Variants in ZAP70 observed in about 807,000 individuals in gnomAD.
ZAP70 encodes the protein tyrosine-protein kinase ZAP-70.
In ZAP70, 27 loss-of-function variants were observed where a neutral mutation model predicts 65.8. That is an observed-to-expected ratio of 0.41 (90% CI 0.30 to 0.57). ZAP70 has a LOEUF of 0.57. Among genes scored for constraint, ZAP70 ranks in the 20% least tolerant of loss-of-function variants. ZAP70 has a pLI of 0.28. For missense variants in ZAP70, 696 were observed against 870.5 expected, an observed-to-expected ratio of 0.80 and a Z score of 2.52; for synonymous variants, 363 against 360.8, an observed-to-expected ratio of 1.01 and a Z score of -0.07.
rs113588261 is a variant in ZAP70, at chr2:97,735,129, G to A, written c.1083-121G>A. 2,923 of 1,244,816 alleles carry A rather than the reference G, an allele frequency of 2.3e-3. 51 individuals are homozygous for A. The African/African-American group carries it at 0.036, about 15-fold the overall frequency. The allele number at this position is 1,244,816 out of a possible 1,614,324, so 77.1% of individuals were successfully genotyped here. A position where few individuals can be genotyped will look rare whatever the true frequency, so the allele number is the denominator to read the frequency against. On this transcript the variant is annotated intron_variant, in intron 9 of 13. Transcript: ENST00000264972. ...ATTGAGCGCCTTGGTCCCAGCCTGG[G>A]TGGCGACTACAGTTGTCTACCACAC...
chr2:97,718,510 C>T (rs780280024), intron 2 of ZAP70, among the ~76,000 whole-genome samples: 1 of 152,124 alleles, frequency 6.6e-6, no homozygotes, highest in Non-Finnish European at 1.5e-5. Flanking sequence ...GAGGCGCCCA[C>T]CACCCGACCT....
At chr2:97,756,132 G>GTTGT in the ZAP70 span, among the ~76,000 whole-genome samples, 10 of 151,766 alleles carry the variant, frequency 6.6e-5, no homozygotes, top group Admixed American at 2.6e-4. Flanking sequence ...AGGCTTTCAA[G>GTTGT]TTGTTTTCGA....
intron 4 of ZAP70, among the ~76,000 whole-genome samples, chr2:97,730,794 G>A (rs1203368316): frequency 6.6e-6 from 1 of 152,112 alleles, no homozygotes; most frequent in Non-Finnish European, 1.5e-5. Flanking sequence ...GGTGGCTCAC[G>A]CCTGTAATCC....
chr2:97,738,274 A>G, intron 13 of ZAP70, 167 bp downstream of exon 13: 2 of 703,748 alleles, frequency 2.8e-6, no homozygotes, highest in South Asian at 3.4e-5. Flanking sequence ...GCTCTCCAAC[A>G]CACCAGGGTT....
downstream of ZAP70, among the ~76,000 whole-genome samples, chr2:97,740,408 CGTG>C (rs1205474702): frequency 6.6e-6 from 1 of 152,294 alleles, no homozygotes; most frequent in East Asian, 1.9e-4. Flanking sequence ...TTTCTTAAAT[CGTG>C]GTTTGCAGGT....
the ZAP70 span, among the ~76,000 whole-genome samples, chr2:97,753,621 G>A: frequency 8.6e-5 from 13 of 152,038 alleles, no homozygotes; most frequent in Non-Finnish European, 1.6e-4. Context: ...TTGATACACA[G>A]TTTAGGTAAA....
intron 3 of ZAP70, chr2:97,724,731 G>A (rs1677310371): frequency 9.3e-6 from 14 of 1,511,116 alleles, no homozygotes; most frequent in African/African-American, 1.4e-5. Flanking sequence ...TGGAATGGGG[G>A]CGGGGCTGAG....
At chr2:97,753,315 C>A in the ZAP70 span, among the ~76,000 whole-genome samples, 2 of 152,180 alleles carry the variant, frequency 1.3e-5, no homozygotes, top group Non-Finnish European at 2.9e-5. Context: ...AACTACTATA[C>A]TCTCTAAATC....
At chr2:97,747,815 GTTTTTTTT>G in the ZAP70 span, among the ~76,000 whole-genome samples, 67 of 54,776 alleles carry the variant, frequency 1.2e-3, no homozygotes, top group Non-Finnish European at 1.5e-3. Context: ...CTGGCACGAG[GTTTTTTTT>G]TTTTTTTTTT....
intron 2 of ZAP70, among the ~76,000 whole-genome samples, chr2:97,720,644 G>C (rs888155890): frequency 2.0e-5 from 3 of 152,168 alleles, no homozygotes; most frequent in Non-Finnish European, 4.4e-5. Context: ...GAGCCACTTC[G>C]CCCAGCCGCT....
the ZAP70 span, among the ~76,000 whole-genome samples, chr2:97,754,996 T>C: frequency 1.3e-5 from 2 of 152,200 alleles, no homozygotes; most frequent in African/African-American, 4.8e-5. Context: ...AAAGGTCAGG[T>C]TCACAATCAC....
At chr2:97,725,059 C>A (rs1332864952) in intron 3 of ZAP70, 33 bp from the exon 4 acceptor site, 1 of 1,612,660 alleles carries the variant, frequency 6.2e-7, no homozygotes, top group Non-Finnish European at 8.5e-7. Flanking sequence ...CACTTGGCCA[C>A]ACCTACAGAC....
chr2:97,718,122 G>A (rs1001983875), intron 2 of ZAP70, among the ~76,000 whole-genome samples: 41 of 152,210 alleles, frequency 2.7e-4, no homozygotes, highest in Middle Eastern at 3.2e-3. Context: ...ACTGAGGGAC[G>A]CGGCTCCTAA....
intron 13 of ZAP70, among the ~76,000 whole-genome samples, chr2:97,738,754 C>A (rs552688413): frequency 1.3e-5 from 2 of 152,198 alleles, no homozygotes; most frequent in South Asian, 4.2e-4. Flanking sequence ...AGCAGCCCAA[C>A]AGATAGACAC....
rs202079520 is a variant in ZAP70 at position 97,733,505 on chromosome 2, C to T, written c.838-39C>T. On this transcript the variant is annotated intron_variant, in intron 7 of 13. Coordinates refer to ENST00000264972, the MANE Select transcript of ZAP70 (RefSeq NM_001079.4). The stretch of plus-strand genomic sequence containing the variant: ...TATAGGTCTCATGAGAGGGGCTGGA[C>T]GTCCCCAGCTCAGGCCTTGCTGACC... 354 of 1,613,106 alleles carry T rather than the reference C, an allele frequency of 2.2e-4. No individual in the cohort carries two copies. In the African/African-American group the frequency reaches 4.1e-3, roughly 19 times the overall value.
intron 9 of ZAP70, chr2:97,734,914 G>C: frequency 1.3e-6 from 1 of 767,532 alleles, no homozygotes; most frequent in South Asian, 1.8e-5. Flanking sequence ...GCCTGGGCAG[G>C]GGGAGGCTGT....
chr2:97,751,416 A>C, the ZAP70 span, among the ~76,000 whole-genome samples: 2 of 152,232 alleles, frequency 1.3e-5, no homozygotes, highest in African/African-American at 4.8e-5. Flanking sequence ...TTATGAATTC[A>C]TAAGAAGCAA....
At chr2:97,748,162 T>C in the ZAP70 span, among the ~76,000 whole-genome samples, 1 of 152,188 alleles carries the variant, frequency 6.6e-6, no homozygotes, top group Non-Finnish European at 1.5e-5. Flanking sequence ...GCCATGTTTC[T>C]TACCTGTTGA....
chr2:97,743,344 CTTTT>C (rs1678174849), downstream of ZAP70, among the ~76,000 whole-genome samples: 1 of 152,244 alleles, frequency 6.6e-6, no homozygotes, highest in Non-Finnish European at 1.5e-5. Context: ...CCTGTTCTTT[CTTTT>C]CTTTGAGATA....
Sources: allele counts gnomAD v4.1 joint callset (sites outside exome capture counted in the v4.1 genomes callset), GRCh38; gene constraint gnomAD v4.1.1; transcripts MANE v1.5; gene names NCBI Gene and HGNC (gene_info 2026-07-23, HGNC 2026-07-21).